The following TOM1L1 variants were observed in gnomAD, a reference collection of about 807,000 sequenced individuals.
The protein encoded by TOM1L1 is TOM1-like protein 1.
Under a neutral mutation model 63.4 loss-of-function variants are expected in TOM1L1, and 64 were observed. That is an observed-to-expected ratio of 1.01 (90% CI 0.83 to 1.24). The LOEUF (loss-of-function observed/expected upper bound fraction) is 1.24, where lower values mean the gene tolerates loss of function less well. TOM1L1 is among the 50% of genes most tolerant of loss of function. The probability of loss-of-function intolerance (pLI) is 0.00; values close to 1 mark genes in which losing one functional copy is unlikely to be tolerated. For synonymous variants in TOM1L1, 166 were observed against 194.4 expected (o/e 0.85, Z 1.22); for missense variants, 536 against 567.0 (o/e 0.95, Z 0.55).
At chr17:54,926,942 T>C (rs975840367) in intron 7 of TOM1L1, among the ~76,000 whole-genome samples, 1 of 152,218 alleles carries the variant, frequency 6.6e-6, no homozygotes, top group Non-Finnish European at 1.5e-5. Context: ...GGCTAACCTA[T>C]TGTGTTTTCA....
At chr17:54,936,282 G>A (rs902439099) in intron 8 of TOM1L1, 4 of 172,892 alleles carry the variant, frequency 2.3e-5, no homozygotes, top group African/African-American at 9.5e-5. Flanking sequence ...ATTAAAAATT[G>A]TATTTCAGCT....
intron 3 of TOM1L1, 141 bp downstream of exon 3, chr17:54,905,708 A>G: frequency 1.8e-6 from 1 of 552,488 alleles, no homozygotes; most frequent in Non-Finnish European, 3.2e-6. Flanking sequence ...ATGACTTAAA[A>G]CTCTTCATTT....
In TOM1L1 at chr17:54,947,243, G is replaced by A. The variant is rs1193320957; in HGVS notation, c.1131-18G>A. 6.2e-7 allele frequency: 1 copy of A among 1,613,618 alleles called. No homozygotes were observed. The highest frequency in any genetic ancestry group is 1.7e-5 in the Admixed American group (1 of 60,008). On this transcript the variant is annotated intron_variant, in intron 11 of 15. Coordinates refer to ENST00000575882, the MANE Select transcript of TOM1L1 (RefSeq NM_005486.3). ...TCTCACTGTAGGGTAATCATTCTGT[G>A]TTATCACACTATCCTAGGTTTGCCC...
chr17:54,957,288 A>G (rs1007946147), intron 14 of TOM1L1: 5 of 152,230 alleles, frequency 3.3e-5, no homozygotes, highest in African/African-American at 1.2e-4. Flanking sequence ...GGAGTCCACT[A>G]TGTATTTTTT....
chr17:54,922,184 T>C (rs2048695103), intron 7 of TOM1L1, among the ~76,000 whole-genome samples: 1 of 151,976 alleles, frequency 6.6e-6, no homozygotes, highest in Non-Finnish European at 1.5e-5. Context: ...TCCCAACTAC[T>C]TGGGAGGCTG....
At chr17:54,903,638 A>T in intron 1 of TOM1L1, 70 bp from the exon 2 acceptor site, 2 of 1,362,626 alleles carry the variant, frequency 1.5e-6, no homozygotes, top group Non-Finnish European at 2.1e-6. Flanking sequence ...CAGCCTAGGC[A>T]GATTATTTCA....
intron 11 of TOM1L1, among the ~76,000 whole-genome samples, chr17:54,940,676 GA>G (rs921667577): frequency 2.0e-5 from 3 of 151,948 alleles, no homozygotes; most frequent in Admixed American, 6.5e-5. Context: ...TGCTAAGTAG[GA>G]AAAAAAGGTG....
At chr17:54,960,258 G>A (rs936854408) in intron 14 of TOM1L1, among the ~76,000 whole-genome samples, 3 of 152,164 alleles carry the variant, frequency 2.0e-5, no homozygotes, top group African/African-American at 7.2e-5. Flanking sequence ...CCAGCTACTC[G>A]TGGGGCTGAG....
At chr17:54,915,692 A>G in intron 6 of TOM1L1, 54 bp from the exon 7 acceptor site, 1 of 1,243,554 alleles carries the variant, frequency 8.0e-7, no homozygotes, top group Non-Finnish European at 1.1e-6. Context: ...GCAGGAAACA[A>G]GGTAGTTATT....
intron 7 of TOM1L1, among the ~76,000 whole-genome samples, chr17:54,927,168 G>A (rs531921793): frequency 6.6e-6 from 1 of 152,340 alleles, no homozygotes; most frequent in South Asian, 2.1e-4. Flanking sequence ...TAGGTGGGGA[G>A]AGTATTTACT....
chr17:54,949,664 A>C, intron 13 of TOM1L1, 41 bp downstream of exon 13: 1 of 1,400,616 alleles, frequency 7.1e-7, no homozygotes, highest in Non-Finnish European at 1.0e-6. Context: ...AAGGAAACTT[A>C]TGAGAATATA....
At position 54,949,758 on chromosome 17, in the gene TOM1L1, T is replaced by A. The variant is rs147736946; in HGVS notation, c.1288+135T>A. 1.4e-4 allele frequency: 110 copies of A among 760,592 alleles called. 1 individual carries two copies. Among genetic ancestry groups the A allele is most frequent in the Middle Eastern group, 1.2e-3 (5 of 4,228 alleles). The allele number at this position is 760,592 out of a possible 1,614,324, so 47.1% of individuals were successfully genotyped here. Reference sequence around the variant, plus strand: ...GTATTTTTAAGCTAATGAAACAAATTCAGGGCAGATACCATTATGACTGAC... The same window carrying A: ...GTATTTTTAAGCTAATGAAACAAATACAGGGCAGATACCATTATGACTGAC... On this transcript the variant is annotated intron_variant, in intron 13 of 15. Transcript: ENST00000575882.
At chr17:54,939,056 T>G (rs1482643479) in intron 11 of TOM1L1, 36 bp downstream of exon 11, 1 of 1,347,652 alleles carries the variant, frequency 7.4e-7, no homozygotes, top group East Asian at 2.3e-5. Context: ...ACTAATATCA[T>G]GACATTTAGA....
intron 8 of TOM1L1, among the ~76,000 whole-genome samples, chr17:54,932,727 CT>C (rs1378465022): frequency 6.6e-6 from 1 of 152,116 alleles, no homozygotes; most frequent in Non-Finnish European, 1.5e-5. Context: ...GGCCACCATG[CT>C]TTCTTTCTTA....
intron 9 of TOM1L1, 73 bp from the exon 10 acceptor site, chr17:54,937,035 AC>A: frequency 1.6e-6 from 2 of 1,272,308 alleles, no homozygotes; most frequent in Non-Finnish European, 2.3e-6. Flanking sequence ...CCTCCCCTCT[AC>A]AAAGGAGAAA....
intron 8 of TOM1L1, among the ~76,000 whole-genome samples, chr17:54,931,337 T>G (rs2048855239): frequency 6.6e-6 from 1 of 152,182 alleles, no homozygotes; most frequent in Non-Finnish European, 1.5e-5. Context: ...GAGGATTAAA[T>G]GAGATAATAC....
chr17:54,936,583 T>C (rs1598039875), intron 8 of TOM1L1, 66 bp from the exon 9 acceptor site: 10 of 1,323,422 alleles, frequency 7.6e-6, no homozygotes, highest in African/African-American at 4.5e-5. Flanking sequence ...TATTAATAAT[T>C]GTTAGATTTT....
chr17:54,955,001 A>T (rs532433614), intron 14 of TOM1L1: 2 of 152,184 alleles, frequency 1.3e-5, no homozygotes, highest in Non-Finnish European at 2.9e-5. Context: ...TCATGGGTGG[A>T]TATGCAGTTT....
chr17:54,928,316 C>CA, intron 7 of TOM1L1, among the ~76,000 whole-genome samples: 1 of 151,558 alleles, frequency 6.6e-6, no homozygotes, highest in African/African-American at 2.4e-5. Context: ...CCAATTCTTA[C>CA]AACAACCTTA....
Sources: allele counts gnomAD v4.1 joint callset (sites outside exome capture counted in the v4.1 genomes callset), GRCh38; gene constraint gnomAD v4.1.1; transcripts MANE v1.5; gene names NCBI Gene and HGNC (gene_info 2026-07-23, HGNC 2026-07-21).